Variants in TMEM132C observed in about 807,000 individuals in gnomAD.
The protein encoded by TMEM132C is transmembrane protein 132C.
Under a neutral mutation model 61.4 loss-of-function variants are expected in TMEM132C, and 29 were observed. That is an observed-to-expected ratio of 0.47 (90% CI 0.35 to 0.64). The LOEUF is 0.64. Among genes scored for constraint, TMEM132C ranks in the 30% least tolerant of loss-of-function variants. The probability of loss-of-function intolerance (pLI) is 0.00; values close to 1 mark genes in which losing one functional copy is unlikely to be tolerated. For missense variants in TMEM132C, 1,408 were observed against 1,476.9 expected (o/e 0.95, Z 0.76); for synonymous variants, 656 against 633.1 (o/e 1.04, Z -0.54).
intron 1 of TMEM132C, among the ~76,000 whole-genome samples, chr12:128,376,232 C>T (rs1022246936): frequency 1.3e-5 from 2 of 152,200 alleles, no homozygotes; most frequent in Non-Finnish European, 2.9e-5. Context: ...ATTTCCTGGG[C>T]TTAAAGTAAC....
intron 3 of TMEM132C, among the ~76,000 whole-genome samples, chr12:128,576,710 A>G (rs1369534317): frequency 1.3e-5 from 2 of 152,290 alleles, no homozygotes; most frequent in South Asian, 2.1e-4. Context: ...TTTGTCCGTG[A>G]TCGCACACCT....
At chr12:128,467,771 G>A (rs1053167653) in intron 2 of TMEM132C, among the ~76,000 whole-genome samples, 1 of 152,182 alleles carries the variant, frequency 6.6e-6, no homozygotes, top group African/African-American at 2.4e-5. Context: ...GCTGCCCTCT[G>A]TTCTTCTCAG....
intron 4 of TMEM132C, among the ~76,000 whole-genome samples, chr12:128,640,380 A>G (rs990178159): frequency 6.6e-6 from 1 of 152,230 alleles, no homozygotes; most frequent in African/African-American, 2.4e-5. Flanking sequence ...CAGTCACAAA[A>G]GACCACATGC....
intron 8 of TMEM132C, among the ~76,000 whole-genome samples, chr12:128,699,688 C>T (rs2135659084): frequency 6.6e-6 from 1 of 152,354 alleles, no homozygotes; most frequent in East Asian, 1.9e-4. Flanking sequence ...AGGAAGATCA[C>T]TCTATCACCT....
At chr12:128,621,897 C>G (rs1346130457) in intron 4 of TMEM132C, among the ~76,000 whole-genome samples, 1 of 152,162 alleles carries the variant, frequency 6.6e-6, no homozygotes, top group Non-Finnish European at 1.5e-5. Context: ...GCCCACAGCT[C>G]TATGGCTCAG....
intron 3 of TMEM132C, among the ~76,000 whole-genome samples, chr12:128,545,231 T>C (rs1873906657): frequency 1.3e-5 from 2 of 152,242 alleles, no homozygotes; most frequent in Admixed American, 1.3e-4. Context: ...TATTTGGTTT[T>C]CTGTTCCTCC....
At chr12:128,393,348 A>G (rs1874832374) in intron 1 of TMEM132C, among the ~76,000 whole-genome samples, 1 of 152,082 alleles carries the variant, frequency 6.6e-6, no homozygotes, top group Non-Finnish European at 1.5e-5. Context: ...ACGTCTCAGG[A>G]TTTCCTCTTT....
intron 2 of TMEM132C, among the ~76,000 whole-genome samples, chr12:128,527,476 C>A (rs1386228023): frequency 6.6e-6 from 1 of 152,184 alleles, no homozygotes. Context: ...CAAAGCTCCT[C>A]CGTGCCTGGC....
chr12:128,663,876 A>T (rs1374588064), intron 4 of TMEM132C, among the ~76,000 whole-genome samples: 3 of 143,620 alleles, frequency 2.1e-5, no homozygotes, highest in Non-Finnish European at 3.1e-5. Flanking sequence ...AGGCACACAC[A>T]CATACAGGCA....
In TMEM132C at chr12:128,340,162, G is replaced by C. The variant is rs549112657; in HGVS notation, c.85+72675G>C. Reference sequence around the variant, plus strand: ...CGCTCTGTGGAAAGTATGGGGATGTGCCGAAGGCCTTCAAAGCTTGGGAAC... The same window carrying C: ...CGCTCTGTGGAAAGTATGGGGATGTCCCGAAGGCCTTCAAAGCTTGGGAAC... On this transcript the variant is annotated intron_variant, in intron 1 of 8. Transcript: ENST00000435159. Among the ~76,000 whole-genome samples the C allele has an allele frequency of 1.3e-4, 20 of 152,306 alleles. No homozygotes were observed. The South Asian group carries it at 4.1e-3, about 32-fold the overall frequency.
chr12:128,544,464 A>G (rs1593094349), intron 3 of TMEM132C, among the ~76,000 whole-genome samples: 1 of 152,352 alleles, frequency 6.6e-6, no homozygotes, highest in East Asian at 1.9e-4. Context: ...GAAGGGGAAG[A>G]TTGAGTTTTC....
intron 1 of TMEM132C, among the ~76,000 whole-genome samples, chr12:128,370,873 G>A (rs1565915501): frequency 6.6e-6 from 1 of 152,214 alleles, no homozygotes; most frequent in African/African-American, 2.4e-5. Flanking sequence ...CAGAATAATA[G>A]CAGCTACCCC....
Position 128,696,806 on chromosome 12 carries a change from GA to G in TMEM132C, c.1930-417del, listed in dbSNP as rs1954768922. On this transcript the variant is annotated intron_variant, in intron 7 of 8. Coordinates refer to ENST00000435159, the MANE Select transcript of TMEM132C (RefSeq NM_001136103.3). ...GGCAGAAAGCAATGTTTTGGCAGAG[GA>G]TACATTGTGGTGGTGGTGGGAGGAG... is the stretch of plus-strand genomic sequence containing the variant. Among the ~76,000 whole-genome samples the G allele has an allele frequency of 7.2e-5, 11 of 152,296 alleles. No homozygotes were observed. In the South Asian group the frequency reaches 2.3e-3, roughly 32 times the overall value.
At chr12:128,426,956 A>G (rs1345910196) in intron 2 of TMEM132C, among the ~76,000 whole-genome samples, 1 of 152,184 alleles carries the variant, frequency 6.6e-6, no homozygotes, top group Non-Finnish European at 1.5e-5. Context: ...GATTTAACAC[A>G]TGAATTAGTG....
In TMEM132C at chr12:128,482,588, G is replaced by A. The variant is rs148878141; in HGVS notation, c.975-61369G>A. On this transcript the variant is annotated intron_variant, in intron 2 of 8. Coordinates refer to ENST00000435159, the MANE Select transcript of TMEM132C (RefSeq NM_001136103.3). ...TTTGTACCTCTGGTAGAATTCGACTGTGAATTCATCTGGTTCTGGGCTTTT... is the reference window on the plus strand; with the variant it reads ...TTTGTACCTCTGGTAGAATTCGACTATGAATTCATCTGGTTCTGGGCTTTT... Among the ~76,000 whole-genome samples, 478 of 152,196 alleles carry A rather than the reference G, an allele frequency of 3.1e-3. 4 individuals carry two copies. The highest frequency in any genetic ancestry group is 0.011 in the African/African-American group (454 of 41,520).
chr12:128,526,295 G>C (rs771734167), intron 2 of TMEM132C, among the ~76,000 whole-genome samples: 45 of 152,222 alleles, frequency 3.0e-4, no homozygotes, highest in Non-Finnish European at 6.2e-4. Context: ...AGACTGGAAA[G>C]TTCAAGATCA....
intron 3 of TMEM132C, among the ~76,000 whole-genome samples, chr12:128,546,655 G>A (rs1444298858): frequency 6.6e-6 from 1 of 152,192 alleles, no homozygotes; most frequent in Non-Finnish European, 1.5e-5. Context: ...CACAGAAAGA[G>A]GCACTGCAGA....
chr12:128,641,145 C>T (rs981590427), intron 4 of TMEM132C, among the ~76,000 whole-genome samples: 3 of 152,108 alleles, frequency 2.0e-5, no homozygotes, highest in Admixed American at 6.5e-5. Flanking sequence ...GACGGTGCCC[C>T]CTTCACACAA....
At chr12:128,690,178 C>T (rs144095627) in intron 5 of TMEM132C, among the ~76,000 whole-genome samples, 2 of 152,322 alleles carry the variant, frequency 1.3e-5, no homozygotes, top group South Asian at 2.1e-4. Context: ...ATGGCTACCA[C>T]GCATTCTGTC....
Sources: gnomAD v4.1 joint callset for allele counts (sites outside exome capture counted in the v4.1 genomes callset) on GRCh38, gnomAD v4.1.1 for gene constraint, MANE v1.5 for transcripts, NCBI Gene and HGNC (gene_info 2026-07-23, HGNC 2026-07-21) for gene names.